Variants in CECR2 observed in about 807,000 individuals in gnomAD.
CECR2 encodes CECR2 histone acetyl-lysine reader.
In CECR2, 30 loss-of-function variants were observed where a neutral mutation model predicts 154.5. The ratio of observed to expected loss-of-function variants is 0.19; its 90% CI spans 0.15 to 0.26. CECR2 has a LOEUF of 0.26. Ranked by LOEUF, CECR2 falls within the 10% of genes least tolerant of loss-of-function variation. The probability of loss-of-function intolerance (pLI) is 1.00; values close to 1 mark genes in which losing one functional copy is unlikely to be tolerated. For synonymous variants in CECR2, 725 were observed against 683.7 expected (o/e 1.06, Z -0.94); for missense variants, 1,743 against 1,829.3 (o/e 0.95, Z 0.86).
intron 12 of CECR2, 76 bp downstream of exon 12, chr22:17,538,807 AATAT>A: frequency 7.4e-7 from 1 of 1,348,338 alleles, no homozygotes. Flanking sequence ...TTTGTTGTTA[AATAT>A]ATATATATTT....
At chr22:17,465,233 T>C (rs186205699) in intron 1 of CECR2, among the ~76,000 whole-genome samples, 18,675 of 152,126 alleles carry the variant, frequency 0.12, 1,555 homozygotes, top group African/African-American at 0.24. Context: ...CCTGACCTCG[T>C]GATCCGCCCG....
At chr22:17,371,551 TCA>T in intron 1 of CECR2, among the ~76,000 whole-genome samples, 1 of 152,352 alleles carries the variant, frequency 6.6e-6, no homozygotes, top group South Asian at 2.1e-4. Context: ...AGGATGTTTC[TCA>T]GTTACTCTGA....
chr22:17,370,615 C>T (rs2146435311), intron 1 of CECR2, among the ~76,000 whole-genome samples: 1 of 152,046 alleles, frequency 6.6e-6, no homozygotes, highest in East Asian at 1.9e-4. Flanking sequence ...ATCTCGCCAC[C>T]ATTATCCCCC....
At chr22:17,392,063 GC>G (rs1323503749) in intron 1 of CECR2, among the ~76,000 whole-genome samples, 6 of 152,136 alleles carry the variant, frequency 3.9e-5, no homozygotes, top group Admixed American at 1.3e-4. Flanking sequence ...ACCTGCTTCG[GC>G]CTCCCAAAGT....
At chr22:17,444,644 A>G (rs1023622447) in intron 1 of CECR2, among the ~76,000 whole-genome samples, 35 of 152,174 alleles carry the variant, frequency 2.3e-4, no homozygotes, top group Admixed American at 2.0e-3. Flanking sequence ...AACTACCACC[A>G]TCAAGATTTC....
At chr22:17,496,183 T>C (rs1179303021) in intron 2 of CECR2, among the ~76,000 whole-genome samples, 1 of 152,030 alleles carries the variant, frequency 6.6e-6, no homozygotes. Context: ...CTGGGCAACA[T>C]GCTGAGACCC....
chr22:17,485,152 C>T (rs990382958), intron 2 of CECR2, among the ~76,000 whole-genome samples: 1 of 152,130 alleles, frequency 6.6e-6, no homozygotes. Flanking sequence ...TCATTTAATC[C>T]TTCCGACAGC....
chr22:17,518,707 C>T (rs2056104043), intron 8 of CECR2: 1 of 429,998 alleles, frequency 2.3e-6, no homozygotes, highest in South Asian at 1.9e-5. Context: ...TCAAGCACCT[C>T]AGCAGTTGGC....
intron 9 of CECR2, among the ~76,000 whole-genome samples, chr22:17,527,210 C>G (rs540792937): frequency 3.9e-4 from 59 of 152,342 alleles, no homozygotes; most frequent in African/African-American, 1.3e-3. Flanking sequence ...GTAAGCTCAG[C>G]ACTTTGGGAG....
chr22:17,494,207 T>C (rs948627113), intron 2 of CECR2, among the ~76,000 whole-genome samples: 2 of 152,264 alleles, frequency 1.3e-5, no homozygotes, highest in African/African-American at 4.8e-5. Context: ...GCGATTCTCC[T>C]GCTTCAGCCT....
rs376865863 is a variant in CECR2, at chr22:17,508,419, C to T, written c.871-3394C>T. On this transcript the variant is annotated intron_variant, in intron 7 of 18. Coordinates refer to ENST00000262608, the MANE Select transcript of CECR2 (RefSeq NM_001290047.2). ...AATCTTTTATACTGTATTTTTACTGCACCTTTTCTATTTATGTATGTTTAG... is the reference window on the plus strand; with the variant it reads ...AATCTTTTATACTGTATTTTTACTGTACCTTTTCTATTTATGTATGTTTAG... Among the ~76,000 whole-genome samples, 308 of 152,192 alleles carry T rather than the reference C, an allele frequency of 2.0e-3. 1 individual carries two copies. The highest frequency in any genetic ancestry group is 7.0e-3 in the African/African-American group (291 of 41,508).
intron 2 of CECR2, among the ~76,000 whole-genome samples, chr22:17,489,291 T>A (rs1388649374): frequency 6.6e-6 from 1 of 152,228 alleles, no homozygotes; most frequent in African/African-American, 2.4e-5. Flanking sequence ...TCCTATTGTG[T>A]TGAAAGTGGC....
chr22:17,381,397 A>G (rs1279883302), intron 1 of CECR2, among the ~76,000 whole-genome samples: 1 of 151,560 alleles, frequency 6.6e-6, no homozygotes, highest in Non-Finnish European at 1.5e-5. Context: ...ACACTTCACG[A>G]CTCTGCGTGT....
At position 17,546,722 on chromosome 22, in the gene CECR2, C is replaced by T. The variant is rs147721723; in HGVS notation, c.2861-1426C>T. On this transcript the variant is annotated intron_variant, in intron 16 of 18. Coordinates refer to ENST00000262608, the MANE Select transcript of CECR2 (RefSeq NM_001290047.2). Reference sequence around the variant, plus strand: ...TGGTAATTTCATCACACCTGGACAACTGTCCTCCTAGAAAGATAATAAAAA... The same window carrying T: ...TGGTAATTTCATCACACCTGGACAATTGTCCTCCTAGAAAGATAATAAAAA... 5.4e-3 allele frequency among the ~76,000 whole-genome samples: 822 copies of T among 152,060 alleles called. 8 individuals are homozygous for T. The highest frequency in any genetic ancestry group is 0.019 in the African/African-American group (780 of 41,476).
At chr22:17,532,513 G>A (rs2056371281) in intron 9 of CECR2, among the ~76,000 whole-genome samples, 1 of 151,844 alleles carries the variant, frequency 6.6e-6, no homozygotes, top group African/African-American at 2.4e-5. Context: ...TTAAAGTCAG[G>A]ATAAACACAA....
At chr22:17,521,887 T>G (rs1439325065) in intron 8 of CECR2, among the ~76,000 whole-genome samples, 1 of 152,112 alleles carries the variant, frequency 6.6e-6, no homozygotes, top group Non-Finnish European at 1.5e-5. Flanking sequence ...GGTTTTAGGT[T>G]TTACATTTAA....
intron 2 of CECR2, among the ~76,000 whole-genome samples, chr22:17,493,216 C>T (rs2055562180): frequency 6.6e-6 from 1 of 152,192 alleles, no homozygotes; most frequent in Admixed American, 6.5e-5. Context: ...AAGTGATCTG[C>T]CCATCTCGGC....
chr22:17,488,082 A>G (rs958617589), intron 2 of CECR2, among the ~76,000 whole-genome samples: 6 of 152,060 alleles, frequency 3.9e-5, no homozygotes, highest in African/African-American at 7.2e-5. Context: ...GCGTTTCACC[A>G]TGTTGACCAG....
At chr22:17,386,210 G>C (rs754999481) in intron 1 of CECR2, among the ~76,000 whole-genome samples, 2 of 152,104 alleles carry the variant, frequency 1.3e-5, no homozygotes, top group African/African-American at 4.8e-5. Flanking sequence ...TGATTTGAAG[G>C]GGTCAAAGAT....
Sources: allele counts gnomAD v4.1 joint callset (sites outside exome capture counted in the v4.1 genomes callset), GRCh38; gene constraint gnomAD v4.1.1; transcripts MANE v1.5; gene names NCBI Gene and HGNC (gene_info 2026-07-23, HGNC 2026-07-21).